Variants in ATF6 observed in about 807,000 individuals in gnomAD.
The protein encoded by ATF6 is activating transcription factor 6, also known as cyclic AMP-dependent transcription factor ATF-6 alpha.
Under a neutral mutation model 83.6 loss-of-function variants are expected in ATF6, and 53 were observed. The ratio of observed to expected loss-of-function variants is 0.63; its 90% confidence interval spans 0.51 to 0.80. The LOEUF is 0.80. Ranked by LOEUF, ATF6 falls within the 30% of genes least tolerant of loss-of-function variation. The probability of loss-of-function intolerance (pLI) is 0.00; values close to 1 mark genes in which losing one functional copy is unlikely to be tolerated. For synonymous variants in ATF6, 288 were observed against 285.8 expected (o/e 1.01, Z -0.08); for missense variants, 744 against 797.9 (o/e 0.93, Z 0.81).
chr1:161,912,320 A>G lies in ATF6; in HGVS notation c.1744A>G (p.Thr582Ala), dbSNP rs773614948. The G allele has an allele frequency of 2.5e-6, 4 of 1,607,638 alleles. No homozygotes were observed. Among genetic ancestry groups the G allele is most frequent in the Non-Finnish European group, 3.4e-6 (4 of 1,177,272 alleles). Residue 582 changes from threonine to alanine, a missense_variant, in exon 15 of 16, where the codon ACC becomes GCC. Coordinates refer to ENST00000367942, the MANE Select transcript of ATF6 (RefSeq NM_007348.4). Reference sequence around the variant, plus strand: ...GGATCACCTGCTGTTACCAGCTACCACCCATAACAAGACCACAAGACCAAA... The same window carrying G: ...GGATCACCTGCTGTTACCAGCTACCGCCCATAACAAGACCACAAGACCAAA... The part of the protein sequence containing the change: ...RRDHLLLPAT[T>A]HNKTTRPKMS...
At chr1:161,847,651 T>C (rs186734575) in intron 10 of ATF6, among the ~76,000 whole-genome samples, 1 of 152,218 alleles carries the variant, frequency 6.6e-6, no homozygotes, top group East Asian at 1.9e-4. Context: ...TGAATATTGG[T>C]AGAGTTTAAT....
At chr1:161,868,335 T>C (rs968592891) in intron 14 of ATF6, among the ~76,000 whole-genome samples, 5 of 152,184 alleles carry the variant, frequency 3.3e-5, no homozygotes, top group African/African-American at 9.7e-5. Flanking sequence ...AAAATGACTT[T>C]GGCAGGCACT....
intron 15 of ATF6, among the ~76,000 whole-genome samples, chr1:161,935,234 G>A (rs570257585): frequency 1.3e-5 from 2 of 152,122 alleles, no homozygotes; most frequent in Non-Finnish European, 2.9e-5. Flanking sequence ...GAGATAGGTA[G>A]GTATAGATGT....
chr1:161,775,916 A>C (rs965204011), intron 1 of ATF6, among the ~76,000 whole-genome samples: 2 of 151,502 alleles, frequency 1.3e-5, no homozygotes, highest in Non-Finnish European at 3.0e-5. Context: ...ATATATGTGC[A>C]TGTGTATATA....
chr1:161,790,362 A>G (rs1452693287), intron 4 of ATF6, among the ~76,000 whole-genome samples: 1 of 152,180 alleles, frequency 6.6e-6, no homozygotes, highest in African/African-American at 2.4e-5. Context: ...CATGCATGCC[A>G]TCTTTTCTGT....
intron 9 of ATF6, among the ~76,000 whole-genome samples, chr1:161,839,254 A>G (rs1041843785): frequency 3.9e-5 from 6 of 152,246 alleles, no homozygotes; most frequent in Non-Finnish European, 8.8e-5. Flanking sequence ...GACAATAAAC[A>G]TAAGTAAAAT....
intron 14 of ATF6, among the ~76,000 whole-genome samples, chr1:161,911,662 T>C (rs1687994984): frequency 6.6e-6 from 1 of 152,186 alleles, no homozygotes; most frequent in Admixed American, 6.5e-5. Context: ...TCTAATTCTG[T>C]GGTCCCTTCA....
At chr1:161,808,172 G>A (rs559967020) in intron 7 of ATF6, among the ~76,000 whole-genome samples, 7 of 151,992 alleles carry the variant, frequency 4.6e-5, no homozygotes, top group East Asian at 1.9e-4. Context: ...GAGCCACTGC[G>A]CCCAGCAGTT....
intron 14 of ATF6, among the ~76,000 whole-genome samples, chr1:161,876,291 G>A (rs904432234): frequency 1.3e-5 from 2 of 151,888 alleles, no homozygotes; most frequent in African/African-American, 4.8e-5. Flanking sequence ...CTCAGCCTTC[G>A]TATTTGCAAC....
chr1:161,945,172 AC>A (rs1476634136), intron 15 of ATF6, among the ~76,000 whole-genome samples: 6 of 152,242 alleles, frequency 3.9e-5, no homozygotes, highest in Non-Finnish European at 7.3e-5. Flanking sequence ...GATAAAGTGA[AC>A]CTGCAAATGA....
intron 9 of ATF6, among the ~76,000 whole-genome samples, chr1:161,829,672 T>C (rs1685998863): frequency 6.6e-6 from 1 of 152,070 alleles, no homozygotes; most frequent in Admixed American, 6.6e-5. Context: ...ATAAATGTAA[T>C]CCAGCATATA....
At chr1:161,854,144 A>G (rs1035908672) in intron 12 of ATF6, among the ~76,000 whole-genome samples, 6 of 152,226 alleles carry the variant, frequency 3.9e-5, no homozygotes, top group African/African-American at 1.4e-4. Context: ...TCTCTGAAGA[A>G]GTTCCACTTT....
chr1:161,932,202 A>G (rs1688447968), intron 15 of ATF6, among the ~76,000 whole-genome samples: 1 of 152,144 alleles, frequency 6.6e-6, no homozygotes, highest in African/African-American at 2.4e-5. Flanking sequence ...TGACAATGCA[A>G]GTTATTTTTT....
intron 15 of ATF6, among the ~76,000 whole-genome samples, chr1:161,935,840 C>T (rs192290459): frequency 6.6e-6 from 1 of 152,134 alleles, no homozygotes; most frequent in Non-Finnish European, 1.5e-5. Flanking sequence ...TGGCAATGCT[C>T]GAGCATTTCT....
chr1:161,792,874 A>G (rs1462700492), intron 6 of ATF6, among the ~76,000 whole-genome samples: 3 of 152,088 alleles, frequency 2.0e-5, no homozygotes, highest in Non-Finnish European at 2.9e-5. Context: ...TTGTGATTCT[A>G]TGAGAGGTTT....
intron 1 of ATF6, among the ~76,000 whole-genome samples, chr1:161,775,387 A>G (rs1336608841): frequency 6.6e-6 from 1 of 152,170 alleles, no homozygotes; most frequent in African/African-American, 2.4e-5. Context: ...CCCAATCTAT[A>G]TCAGTTACCA....
In ATF6 at chr1:161,853,297, A is replaced by G; in HGVS notation, c.1507A>G (p.Asn503Asp). The change falls in exon 12 of 16, where the codon AAT becomes GAT. Residue 503 changes from asparagine to aspartate, a missense_variant. Coordinates refer to ENST00000367942, the MANE Select transcript of ATF6 (RefSeq NM_007348.4). ...GACCAAGTCAAGAAGAATGACAAAT[A>G]ATCAACAGAAAACCCGTATTCTTCA... is the stretch of plus-strand genomic sequence containing the variant. ...ERTKSRRMTN[N>D]QQKTRILQGA... The G allele has an allele frequency of 6.2e-7, 1 of 1,613,546 alleles. No individual in the cohort carries two copies. Among genetic ancestry groups the G allele is most frequent in the Non-Finnish European group, 8.5e-7 (1 of 1,179,482 alleles).
In ATF6 at chr1:161,778,225, T is replaced by C. The variant is rs201400282; in HGVS notation, c.83-19T>C. ...AATTGAATTGACAGTTCATTTCTAT[T>C]CTTTTCCTTTGTCCAAAGATTCTGC... On this transcript the variant is annotated intron_variant, in intron 1 of 15. Coordinates refer to ENST00000367942, the MANE Select transcript of ATF6 (RefSeq NM_007348.4). 252 of 1,604,702 alleles carry C rather than the reference T, an allele frequency of 1.6e-4. No homozygotes were observed. Among genetic ancestry groups the C allele is most frequent in the Middle Eastern group, 3.3e-4 (2 of 6,042 alleles).
chr1:161,864,790 T>C (rs10918092), intron 14 of ATF6, among the ~76,000 whole-genome samples: 1 of 152,002 alleles, frequency 6.6e-6, no homozygotes, highest in African/African-American at 2.4e-5. Context: ...CTGAGAACAA[T>C]GTTTCCTGCA....
Sources: allele counts gnomAD v4.1 joint callset (sites outside exome capture counted in the v4.1 genomes callset), GRCh38; gene constraint gnomAD v4.1.1; transcripts MANE v1.5; gene names NCBI Gene and HGNC (gene_info 2026-07-23, HGNC 2026-07-21).